The following CNOT1 variants were observed in gnomAD, a reference collection of about 807,000 sequenced individuals.
The protein encoded by CNOT1 is CCR4-NOT transcription complex subunit 1.
In CNOT1, 15 loss-of-function variants were observed where a neutral mutation model predicts 273.8. The observed-to-expected ratio is 0.05, with a 90% CI of 0.04 to 0.08. The LOEUF (loss-of-function observed/expected upper bound fraction) is 0.08. CNOT1 is among the 10% of genes least tolerant of loss of function. The pLI, the probability that CNOT1 is intolerant of heterozygous loss-of-function variation, is 1.00. For missense variants in CNOT1, 1,644 were observed against 2,912.2 expected (o/e 0.56, Z 10.02); for synonymous variants, 1,022 against 1,005.5 (o/e 1.02, Z -0.31).
At chr16:58,532,646 A>C (rs550665342) in intron 40 of CNOT1, 2 of 494,606 alleles carry the variant, frequency 4.0e-6, no homozygotes, top group Non-Finnish European at 3.4e-6. Flanking sequence ...CAAATGCCCA[A>C]TGGTTCTTCT....
At chr16:58,616,262 C>T (rs2043077395) in intron 1 of CNOT1, among the ~76,000 whole-genome samples, 1 of 123,352 alleles carries the variant, frequency 8.1e-6, no homozygotes, top group African/African-American at 2.7e-5. Context: ...CCTGCCACCA[C>T]GCCCGGCTAA....
chr16:58,528,687 G>A lies in CNOT1; in HGVS notation c.6280-39C>T, dbSNP rs146008310. On this transcript the variant is annotated intron_variant, in intron 43 of 48. Transcript: ENST00000317147. ...ACAAGAAAAATATTTCCACACTAAG[G>A]AAAATGGAGTAACATTTTCCTATTG... The A allele has an allele frequency of 1.9e-4, 270 of 1,453,532 alleles. 1 individual carries two copies. The African/African-American group carries it at 3.6e-3, about 19-fold the overall frequency. The allele number at this position is 1,453,532 out of a possible 1,614,324, so 90.0% of individuals were successfully genotyped here.
rs771316595 is a variant in CNOT1 at position 58,539,941 on chromosome 16, C to G, written c.4819G>C (p.Asp1607His). The G allele has an allele frequency of 6.2e-7, 1 of 1,605,232 alleles. No homozygotes were observed. The highest frequency in any genetic ancestry group is 1.1e-5 in the South Asian group (1 of 89,470). ...QPMKQAWATD[D>H]VAQIYDKCIT... ...CACTTATCATAAATCTGAGCTACAT[C>G]ATCTGTTGCCCAAGCTTGCTGTTTT... The change falls in exon 35 of 49, where the codon GAT becomes CAT. Residue 1607 changes from aspartate (D) to histidine (H), a missense_variant. Physicochemically the swap from Asp to His is moderately conservative, Grantham distance 81 (BLOSUM62 -1). This residue lies in a region of CNOT1 where 170 missense variants were observed against 273.1 expected (regional missense o/e 0.62). Transcript: ENST00000317147.
intron 30 of CNOT1, among the ~76,000 whole-genome samples, chr16:58,544,518 A>G (rs1379742730): frequency 6.6e-6 from 1 of 152,128 alleles, no homozygotes; most frequent in African/African-American, 2.4e-5. Flanking sequence ...GATGAATCAC[A>G]ATTTCTGGAT....
intron 21 of CNOT1, among the ~76,000 whole-genome samples, chr16:58,554,935 C>CA (rs56180546): frequency 0.026 from 2,026 of 78,854 alleles, 91 homozygotes; most frequent in Non-Finnish European, 0.036. Flanking sequence ...GACTCCATCT[C>CA]AAAAAAAAAA....
intron 36 of CNOT1, among the ~76,000 whole-genome samples, chr16:58,538,517 C>G (rs1366631341): frequency 2.0e-5 from 3 of 152,180 alleles, no homozygotes; most frequent in Non-Finnish European, 4.4e-5. Flanking sequence ...TGAGAAATCA[C>G]TGTAACCTTT....
chr16:58,582,851 T>C lies in CNOT1; in HGVS notation c.986A>G (p.Asp329Gly). 1 of 1,600,978 alleles carries C rather than the reference T, an allele frequency of 6.2e-7. No individual in the cohort carries two copies. Among genetic ancestry groups the C allele is most frequent in the Non-Finnish European group, 8.6e-7 (1 of 1,168,014 alleles). The change falls in exon 10 of 49, where the codon GAT becomes GGT. Residue 329 changes from aspartate to glycine, a missense_variant. Physicochemically the swap from Asp to Gly is moderately conservative, Grantham distance 94. Coordinates refer to ENST00000317147, the MANE Select transcript of CNOT1 (RefSeq NM_016284.5). Reference protein sequence around the residue: ...GIWSDGKDKSDGAQAHTWNVE... With the variant: ...GIWSDGKDKSGGAQAHTWNVE... ...ATTCCATGTGTGTGCCTGTGCTCCA[T>C]CACTTTTATCTTTCCCATCACTCCA...
In CNOT1 at chr16:58,588,790, C is replaced by T; in HGVS notation, c.210+9G>A. 1.9e-6 allele frequency: 3 copies of T among 1,612,730 alleles called. No homozygotes were observed. Among genetic ancestry groups the T allele is most frequent in the Non-Finnish European group, 2.5e-6 (3 of 1,179,458 alleles). ...CTAAGTGGACATGAACTCTGTAAGCCCCAAATACCTGATGGAAATCTTTGC... is the reference window on the plus strand; with the variant it reads ...CTAAGTGGACATGAACTCTGTAAGCTCCAAATACCTGATGGAAATCTTTGC... On this transcript the variant is annotated intron_variant, in intron 3 of 48. Transcript: ENST00000317147.
At chr16:58,619,974 A>G (rs1396236417) in intron 1 of CNOT1, among the ~76,000 whole-genome samples, 1 of 152,236 alleles carries the variant, frequency 6.6e-6, no homozygotes, top group African/African-American at 2.4e-5. Context: ...TGAAACTAAA[A>G]TCCTGACCTA....
chr16:58,614,417 T>C lies in CNOT1; in HGVS notation c.-174-14906A>G. Among the ~76,000 whole-genome samples, 2 of 125,524 alleles carry C rather than the reference T, an allele frequency of 1.6e-5. 1 individual carries two copies. The highest frequency in any genetic ancestry group is 3.8e-5 in the Non-Finnish European group (2 of 52,504). The allele number at this position is 125,524 out of a possible 152,430, so 82.3% of individuals were successfully genotyped here. On this transcript the variant is annotated intron_variant, in intron 1 of 48. Transcript: ENST00000317147. ...GCTTTCTATCTAGATGAATACCAGC[T>C]TTCTGTCTAGGAGCCTAAAATTTTA...
chr16:58,563,346 T>C (rs1226682208), intron 16 of CNOT1, among the ~76,000 whole-genome samples: 1 of 152,196 alleles, frequency 6.6e-6, no homozygotes, highest in Admixed American at 6.5e-5. Flanking sequence ...CCATACCACA[T>C]AGGCAAACTG....
In CNOT1 at chr16:58,592,004, T is replaced by C. The variant is rs928696416; in HGVS notation, c.103-3098A>G. On this transcript the variant is annotated intron_variant, in intron 2 of 48. Transcript: ENST00000317147. ...TTTACTACAGCCATAAATCGAAACA[T>C]TATAGAAATATTGCCAAAAGCCCTT... Among the ~76,000 whole-genome samples, 3 of 152,154 alleles carry C rather than the reference T, an allele frequency of 2.0e-5. No individual in the cohort carries two copies. In the East Asian group the frequency reaches 5.8e-4, roughly 29 times the overall value.
At chr16:58,616,681 C>T (rs924123862) in intron 1 of CNOT1, among the ~76,000 whole-genome samples, 54 of 152,146 alleles carry the variant, frequency 3.5e-4, no homozygotes, top group African/African-American at 1.2e-3. Context: ...GGTTTGCTTT[C>T]GTGAGAATGA....
intron 22 of CNOT1, 113 bp downstream of exon 22, chr16:58,553,669 A>T: frequency 7.6e-7 from 1 of 1,307,210 alleles, no homozygotes; most frequent in Non-Finnish European, 1.0e-6. Flanking sequence ...ATATCATGCC[A>T]ATCATTAAGA....
chr16:58,555,127 G>C, intron 21 of CNOT1, 124 bp downstream of exon 21: 1 of 1,370,020 alleles, frequency 7.3e-7, no homozygotes, highest in Non-Finnish European at 9.8e-7. Context: ...AGAATCACTT[G>C]AGCCCGCAAG....
rs1247876648 is a variant in CNOT1, at chr16:58,522,052, ACT to A, written c.6918-737_6918-736del. On this transcript the variant is annotated intron_variant, in intron 47 of 48. Transcript: ENST00000317147. ...CTAACACTGCAGGCTGGGCACAGTGACTCACGCCTGTAATCCCAGCACTCTGG... is the reference window on the plus strand; with the variant it reads ...CTAACACTGCAGGCTGGGCACAGTGACACGCCTGTAATCCCAGCACTCTGG... 6.6e-5 allele frequency among the ~76,000 whole-genome samples: 10 copies of A among 150,864 alleles called. No homozygotes were observed. The East Asian group carries it at 2.0e-3, about 30-fold the overall frequency.
chr16:58,557,287 G>A (rs2040663794), intron 18 of CNOT1, among the ~76,000 whole-genome samples: 1 of 152,074 alleles, frequency 6.6e-6, no homozygotes, highest in Non-Finnish European at 1.5e-5. Flanking sequence ...CTATACCCAA[G>A]GTAGTTAAAA....
chr16:58,625,462 A>G (rs1056810726), intron 1 of CNOT1, among the ~76,000 whole-genome samples: 7 of 152,222 alleles, frequency 4.6e-5, no homozygotes, highest in Non-Finnish European at 8.8e-5. Context: ...CACTGAGCAG[A>G]GATCACACTA....
At chr16:58,558,333 C>G in intron 18 of CNOT1, 140 bp downstream of exon 18, 5 of 1,414,118 alleles carry the variant, frequency 3.5e-6, no homozygotes, top group Non-Finnish European at 4.7e-6. Flanking sequence ...CTTTTCCCAA[C>G]TTTGGATACT....
Sources: gnomAD v4.1 joint callset for allele counts (sites outside exome capture counted in the v4.1 genomes callset) on GRCh38, gnomAD v4.1.1 for gene constraint, gnomAD v4.1.1 regional missense constraint, MANE v1.5 for transcripts, NCBI Gene and HGNC (gene_info 2026-07-23, HGNC 2026-07-21) for gene names.